RNF128: variants seen among roughly 807,000 people sequenced by gnomAD.
RNF128 encodes the protein ring finger protein 128.
In RNF128, 13 loss-of-function variants were observed where a neutral mutation model predicts 26.2. That is an observed-to-expected ratio of 0.50 (90% CI 0.32 to 0.79). RNF128 has a LOEUF of 0.79. Among genes scored for constraint, RNF128 ranks in the 30% least tolerant of loss-of-function variants. The pLI, the probability that RNF128 is intolerant of heterozygous loss-of-function variation, is 0.03. For missense variants in RNF128, 315 were observed against 349.7 expected (o/e 0.90, Z 0.79); for synonymous variants, 149 against 142.5 (o/e 1.05, Z -0.32).
intron 1 of RNF128, among the ~76,000 whole-genome samples, chrX:106,696,522 T>C (rs1928875875): frequency 9.0e-6 from 1 of 111,700 alleles, no homozygotes; most frequent in African/African-American, 3.3e-5. Context: ...TCGTGTTTTG[T>C]TTTGTTTTGA....
chrX:106,723,070 T>C (rs1328188988), upstream of RNF128, among the ~76,000 whole-genome samples: 2 of 111,625 alleles, frequency 1.8e-5, no homozygotes, highest in African/African-American at 6.5e-5. Context: ...ATACCATTCA[T>C]TCGCTCCATT....
chrX:106,776,148 C>G (rs943876378), intron 2 of RNF128, among the ~76,000 whole-genome samples: 3 of 112,413 alleles, frequency 2.7e-5, no homozygotes, highest in African/African-American at 9.7e-5. Context: ...TTATGGGAAA[C>G]CTTATGGCAT....
intron 1 of RNF128, among the ~76,000 whole-genome samples, chrX:106,698,330 A>G (rs1261433751): frequency 8.1e-5 from 9 of 110,573 alleles, no homozygotes; most frequent in Non-Finnish European, 1.9e-5. Context: ...GCTGTGTCCA[A>G]CGAAGTGGAT....
intron 1 of RNF128, among the ~76,000 whole-genome samples, chrX:106,754,485 T>C (rs1392392043): frequency 1.1e-5 from 1 of 88,684 alleles, no homozygotes; most frequent in Non-Finnish European, 2.1e-5. Flanking sequence ...GTTCTCAAAC[T>C]CCTTGGCTCA....
intron 1 of RNF128, among the ~76,000 whole-genome samples, chrX:106,754,410 C>CTT (rs150895665): frequency 0.032 from 1,133 of 35,783 alleles, 43 homozygotes; most frequent in African/African-American, 0.046. Flanking sequence ...TTTTCTTTCT[C>CTT]TTTTTTTTTT....
chrX:106,715,052 T>C (rs1929190775), intron 1 of RNF128, among the ~76,000 whole-genome samples: 1 of 111,982 alleles, frequency 8.9e-6, no homozygotes, highest in Non-Finnish European at 1.9e-5. Context: ...TTTTCATTTT[T>C]CTGAGATAAA....
rs776856092 is a variant in RNF128 at position 106,693,986 on chromosome X, A to C, written c.-17A>C. ...TATCAGCAAACATCTTAAATTTTATACTCAAATGAATGAGCAATGAACCAG... is the reference window on the plus strand; with the variant it reads ...TATCAGCAAACATCTTAAATTTTATCCTCAAATGAATGAGCAATGAACCAG... On this transcript the variant is annotated 5_prime_UTR_variant, in exon 1 of 7. Coordinates refer to the RNF128 transcript ENST00000324342. 9.4e-5 allele frequency: 110 copies of C among 1,164,444 alleles called. 1 individual carries two copies. Among genetic ancestry groups the C allele is most frequent in the Non-Finnish European group, 1.1e-4 (98 of 871,717 alleles).
intron 1 of RNF128, among the ~76,000 whole-genome samples, chrX:106,709,753 T>C (rs911661541): frequency 9.0e-6 from 1 of 111,219 alleles, no homozygotes; most frequent in Non-Finnish European, 1.9e-5. Context: ...TCCATGTTGG[T>C]CAGGCTGATC....
intron 1 of RNF128, among the ~76,000 whole-genome samples, chrX:106,720,732 G>A (rs755317802): frequency 4.6e-4 from 51 of 111,557 alleles, no homozygotes; most frequent in African/African-American, 1.6e-3. Flanking sequence ...CCACCTACCA[G>A]CTGTGTGACC....
At chrX:106,759,214 A>G (rs1469230345) in intron 1 of RNF128, among the ~76,000 whole-genome samples, 1 of 111,923 alleles carries the variant, frequency 8.9e-6, no homozygotes, top group Non-Finnish European at 1.9e-5. Context: ...CAGAAATGCA[A>G]ATAAAAACTA....
intron 1 of RNF128, among the ~76,000 whole-genome samples, chrX:106,696,728 TACTA>T (rs1243070304): frequency 1.8e-5 from 2 of 111,605 alleles, no homozygotes; most frequent in Admixed American, 9.6e-5. Context: ...TACTAGGTCT[TACTA>T]AGCACTTCCA....
At chrX:106,729,570 A>G (rs1439608889) in intron 1 of RNF128, among the ~76,000 whole-genome samples, 1 of 111,469 alleles carries the variant, frequency 9.0e-6, no homozygotes, top group African/African-American at 3.3e-5. Context: ...GTGTTTCAGG[A>G]TACCATATAG....
upstream of RNF128, chrX:106,726,595 T>G: frequency 1.2e-6 from 1 of 843,465 alleles, no homozygotes; most frequent in Non-Finnish European, 1.5e-6. Context: ...TGTTACCCTT[T>G]TAAGAGGCGG....
At chrX:106,774,518 A>AT (rs1189357007) in intron 2 of RNF128, among the ~76,000 whole-genome samples, 2 of 112,136 alleles carry the variant, frequency 1.8e-5, no homozygotes, top group African/African-American at 3.2e-5. Context: ...TTTTCAAAAG[A>AT]TTTTCTCTTG....
Position 106,695,460 on chromosome X carries a change from T to A in RNF128, c.406+1052T>A, listed in dbSNP as rs182311285. On this transcript the variant is annotated intron_variant, in intron 1 of 6. Coordinates refer to the RNF128 transcript ENST00000324342. ...CAATATCACTGTTTGGTACTAATATTTGAAAACCAAACTGCTTATTTCGCT... is the reference window on the plus strand; with the variant it reads ...CAATATCACTGTTTGGTACTAATATATGAAAACCAAACTGCTTATTTCGCT... Among the ~76,000 whole-genome samples, 75 of 111,747 alleles carry A rather than the reference T, an allele frequency of 6.7e-4. 2 individuals are homozygous for A. Among genetic ancestry groups the A allele is most frequent in the Admixed American group, 5.3e-3 (56 of 10,531 alleles).
chrX:106,699,666 A>G (rs1928923969), intron 1 of RNF128, among the ~76,000 whole-genome samples: 1 of 111,964 alleles, frequency 8.9e-6, no homozygotes, highest in Non-Finnish European at 1.9e-5. Flanking sequence ...TCTTCAAATA[A>G]AGTCTAAATT....
chrX:106,746,510 A>G (rs377612644), intron 1 of RNF128, among the ~76,000 whole-genome samples: 2 of 111,489 alleles, frequency 1.8e-5, no homozygotes, highest in African/African-American at 6.5e-5. Context: ...AAAAACCATA[A>G]TATCATTAGC....
chrX:106,791,372 G>A (rs911826976), intron 6 of RNF128, 138 bp downstream of exon 6: 9 of 475,390 alleles, frequency 1.9e-5, no homozygotes, highest in African/African-American at 4.9e-5. Flanking sequence ...AAATAATGCC[G>A]TGAAGGATGC....
chrX:106,739,608 G>T (rs1023387751), intron 1 of RNF128, among the ~76,000 whole-genome samples: 3 of 111,765 alleles, frequency 2.7e-5, no homozygotes, highest in African/African-American at 9.7e-5. Flanking sequence ...GGTTTATGTG[G>T]CTTTAAAGTG....
Sources: gnomAD v4.1 joint callset for allele counts (sites outside exome capture counted in the v4.1 genomes callset) on GRCh38, gnomAD v4.1.1 for gene constraint, MANE v1.5 for transcripts, NCBI Gene and HGNC (gene_info 2026-07-23, HGNC 2026-07-21) for gene names.